Variants in RAB9B observed in about 807,000 individuals in gnomAD.
RAB9B encodes the protein RAB9B, member RAS oncogene family.
A neutral mutation model predicts 8.9 loss-of-function variants in RAB9B; 1 was observed. The observed-to-expected ratio is 0.11, with a 90% CI of 0.04 to 0.53. The LOEUF (loss-of-function observed/expected upper bound fraction) is 0.53, where lower values mean the gene tolerates loss of function less well. Among genes scored for constraint, RAB9B ranks in the 20% least tolerant of loss-of-function variants. The pLI is 0.93. For synonymous variants in RAB9B, 63 were observed against 57.0 expected (o/e 1.10, Z -0.47); for missense variants, 82 against 152.9 (o/e 0.54, Z 2.45).
chrX:103,812,924 T>A, the RAB9B span, among the ~76,000 whole-genome samples: 1 of 101,057 alleles, frequency 9.9e-6, no homozygotes, highest in Non-Finnish European at 2.0e-5. Context: ...GGTTCCTGAG[T>A]TTTTTTTTTT....
chrX:103,796,194 G>C, the RAB9B span, among the ~76,000 whole-genome samples: 8 of 112,260 alleles, frequency 7.1e-5, no homozygotes, highest in South Asian at 3.0e-3. Flanking sequence ...AATTGTCTGG[G>C]CAGGGCATGG....
At chrX:103,796,847 CAAAAAAAAAAAAAA>C in the RAB9B span, among the ~76,000 whole-genome samples, 2 of 12,107 alleles carry the variant, frequency 1.7e-4, no homozygotes, top group African/African-American at 2.5e-4. Flanking sequence ...ACCGCCTCTA[CAAAAAAAAAAAAAA>C]AAAAAAAAAA....
At chrX:103,790,643 A>G in the RAB9B span, 1 of 941,583 alleles carries the variant, frequency 1.1e-6, no homozygotes, top group East Asian at 3.1e-5. Context: ...GGCTCTAACC[A>G]CACAGCCTAC....
chrX:103,803,866 G>A, the RAB9B span, among the ~76,000 whole-genome samples: 3 of 112,670 alleles, frequency 2.7e-5, no homozygotes, highest in Admixed American at 9.3e-5. Context: ...GTGAGCCACC[G>A]CGTTTGGCCT....
downstream of RAB9B, among the ~76,000 whole-genome samples, chrX:103,820,719 G>A (rs1402701141): frequency 3.6e-5 from 4 of 110,778 alleles, no homozygotes; most frequent in East Asian, 2.8e-4. Flanking sequence ...GGGAGGCCAG[G>A]TGGGTGGATC....
chrX:103,783,492 C>A, the RAB9B span, among the ~76,000 whole-genome samples: 1 of 112,203 alleles, frequency 8.9e-6, no homozygotes, highest in Non-Finnish European at 1.9e-5. Context: ...TCTTTGAAGG[C>A]CAAGAAAGGG....
Position 103,827,006 on chromosome X carries a change from C to A in RAB9B, c.-44G>T, listed in dbSNP as rs1382069447. On this transcript the variant is annotated splice_region_variant and 5_prime_UTR_variant, in exon 2 of 3. Transcript: ENST00000243298. ...AGTGTGCCCCCTTGAAATACCTACC[C>A]AGTGGGTTTTTGTCACAATTTAAAT... 4 of 111,281 alleles carry A rather than the reference C, an allele frequency of 3.6e-5. No individual in the cohort carries two copies. Among genetic ancestry groups the A allele is most frequent in the African/African-American group, 1.3e-4 (4 of 30,669 alleles). 9.2% of individuals were successfully genotyped at this position (111,281 alleles called of 1,213,427 possible). A position where few individuals can be genotyped will look rare whatever the true frequency, so the allele number is the denominator to read the frequency against.
rs1010931105 is a variant in RAB9B at position 103,823,166 on chromosome X, T to A, written c.*2013A>T. 6 of 111,153 alleles carry A rather than the reference T, an allele frequency of 5.4e-5. No homozygotes were observed. The highest frequency in any genetic ancestry group is 1.6e-4 in the African/African-American group (5 of 30,546). 9.2% of individuals were successfully genotyped at this position (111,153 alleles called of 1,213,427 possible). On this transcript the variant is annotated 3_prime_UTR_variant, in exon 3 of 3. Coordinates refer to ENST00000243298, the MANE Select transcript of RAB9B (RefSeq NM_016370.4). ...CAGGTCTCATGCACTTAAAAATAAT[T>A]AGCATTTAACAGTTCTGACGTACAG...
At chrX:103,827,781 C>T (rs765167510) in intron 1 of RAB9B, among the ~76,000 whole-genome samples, 1 of 111,411 alleles carries the variant, frequency 9.0e-6, no homozygotes, top group South Asian at 3.8e-4. Flanking sequence ...ATCTTCCCAC[C>T]TCAGCCTTCT....
rs2074674608 is a variant in RAB9B, at chrX:103,824,276, T to A, written c.*903A>T. 1 of 112,313 alleles carries A rather than the reference T, an allele frequency of 8.9e-6. No individual in the cohort carries two copies. Among genetic ancestry groups the A allele is most frequent in the African/African-American group, 3.2e-5 (1 of 30,885 alleles). 9.3% of individuals were successfully genotyped at this position (112,313 alleles called of 1,213,427 possible). A position where few individuals can be genotyped will look rare whatever the true frequency, so the allele number is the denominator to read the frequency against. On this transcript the variant is annotated 3_prime_UTR_variant, in exon 3 of 3. Transcript: ENST00000243298. ...AAAAGTTCATTATCCCCCAATCTTT[T>A]ATGAAGCCTTCTCCATGAGCCCAGC...
At chrX:103,812,807 T>G in the RAB9B span, among the ~76,000 whole-genome samples, 8 of 110,867 alleles carry the variant, frequency 7.2e-5, no homozygotes. Flanking sequence ...TTCCTTTTTT[T>G]GCATCTCAGG....
the RAB9B span, among the ~76,000 whole-genome samples, chrX:103,780,435 C>CTGTG: frequency 1.0e-3 from 71 of 68,333 alleles, no homozygotes; most frequent in Middle Eastern, 7.9e-3. Context: ...CATTCTGTCT[C>CTGTG]TCTCTGTGTG....
At chrX:103,825,972 T>C in intron 2 of RAB9B, 146 bp from the exon 3 acceptor site, 1 of 417,412 alleles carries the variant, frequency 2.4e-6, no homozygotes, top group East Asian at 4.3e-5. Context: ...GCAGAAGAAA[T>C]AACACTAATT....
chrX:103,795,790 TG>T, the RAB9B span, among the ~76,000 whole-genome samples: 1 of 112,282 alleles, frequency 8.9e-6, no homozygotes, highest in Non-Finnish European at 1.9e-5. Flanking sequence ...TATACGCAGA[TG>T]ATATTATCAC....
rs748406972 is a variant in RAB9B, at chrX:103,825,379, C to G, written c.406G>C (p.Glu136Gln). 1.2e-5 allele frequency: 15 copies of G among 1,211,829 alleles called. No individual in the cohort carries two copies. The highest frequency in any genetic ancestry group is 1.7e-5 in the Non-Finnish European group (15 of 895,459). Reference protein sequence around the residue: ...VDKEDRQVTTEEAQTWCMENG... With the variant: ...VDKEDRQVTTQEAQTWCMENG... ...TCCATGCACCAGGTTTGTGCCTCCTCAGTAGTCACTTGCCTATCCTCTTTG... is the reference window on the plus strand; with the variant it reads ...TCCATGCACCAGGTTTGTGCCTCCTGAGTAGTCACTTGCCTATCCTCTTTG... The change falls in exon 3 of 3, where the codon GAG becomes CAG. Residue 136 changes from glutamate to glutamine, a missense_variant. Glu to Gln is a conservative substitution (Grantham distance 29). Coordinates refer to ENST00000243298, the MANE Select transcript of RAB9B (RefSeq NM_016370.4).
At chrX:103,798,175 C>T in the RAB9B span, among the ~76,000 whole-genome samples, 49 of 111,904 alleles carry the variant, frequency 4.4e-4, no homozygotes, top group Non-Finnish European at 8.5e-4. Context: ...TAAACATATG[C>T]TTTAAATATT....
the RAB9B span, among the ~76,000 whole-genome samples, chrX:103,781,520 T>C: frequency 8.9e-6 from 1 of 112,276 alleles, no homozygotes; most frequent in Admixed American, 9.4e-5. Flanking sequence ...TGCTTATAGG[T>C]AGCTTTAGAT....
chrX:103,781,112 C>G, the RAB9B span: 1 of 229,177 alleles, frequency 4.4e-6, no homozygotes, highest in South Asian at 4.7e-5. Flanking sequence ...CTCTTTCTAC[C>G]ATTCCTTTCG....
chrX:103,803,347 T>A, the RAB9B span, among the ~76,000 whole-genome samples: 1 of 112,425 alleles, frequency 8.9e-6, no homozygotes, highest in East Asian at 2.8e-4. Context: ...TTTCTCCACA[T>A]CCTTGTCAAC....
Sources: allele counts gnomAD v4.1 joint callset (sites outside exome capture counted in the v4.1 genomes callset), GRCh38; gene constraint gnomAD v4.1.1; transcripts MANE v1.5; gene names NCBI Gene and HGNC (gene_info 2026-07-23, HGNC 2026-07-21).